The following DENND6A variants were observed in gnomAD, a reference collection of about 807,000 sequenced individuals.
DENND6A encodes protein DENND6A.
A neutral mutation model predicts 95.5 loss-of-function variants in DENND6A; 43 were observed. The observed-to-expected ratio is 0.45, with a 90% confidence interval of 0.35 to 0.58. The LOEUF is 0.58. Ranked by LOEUF, DENND6A falls within the 20% of genes least tolerant of loss-of-function variation. The pLI, the probability that DENND6A is intolerant of heterozygous loss-of-function variation, is 0.00. For synonymous variants in DENND6A, 257 were observed against 260.4 expected (o/e 0.99, Z 0.13); for missense variants, 574 against 736.0 (o/e 0.78, Z 2.55).
intron 12 of DENND6A, among the ~76,000 whole-genome samples, chr3:57,639,701 A>C (rs931595095): frequency 6.6e-6 from 1 of 152,132 alleles, no homozygotes; most frequent in Non-Finnish European, 1.5e-5. Flanking sequence ...CCTAGCAGAC[A>C]AAAAATTTGA....
chr3:57,686,622 T>C (rs770242238), intron 1 of DENND6A, among the ~76,000 whole-genome samples: 2 of 152,236 alleles, frequency 1.3e-5, no homozygotes, highest in South Asian at 2.1e-4. Context: ...TTTTTGTTAC[T>C]ATTGTATCTG....
intron 11 of DENND6A, among the ~76,000 whole-genome samples, chr3:57,645,275 A>AATG (rs1216125062): frequency 9.2e-5 from 14 of 152,054 alleles, no homozygotes; most frequent in Admixed American, 3.3e-4. Flanking sequence ...AGCCTGATCA[A>AATG]CATGGTGAAA....
At position 57,673,227 on chromosome 3, in the gene DENND6A, A is replaced by AAG. The variant is rs1222812982; in HGVS notation, c.238-790_238-789insCT. On this transcript the variant is annotated intron_variant, in intron 1 of 19. Coordinates refer to ENST00000311128, the MANE Select transcript of DENND6A (RefSeq NM_152678.3). Reference sequence around the variant, plus strand: ...ACATTTCGTATCAAAAAAAAAAAAAAAAAAAGAAAGAAAAAGAAAAAAAAA... The same window carrying AAG: ...ACATTTCGTATCAAAAAAAAAAAAAAAGAAAAAGAAAGAAAAAGAAAAAAAAA... Among the ~76,000 whole-genome samples the AAG allele has an allele frequency of 4.0e-5, 6 of 150,806 alleles. No homozygotes were observed. The East Asian group carries it at 9.7e-4, about 24-fold the overall frequency.
intron 14 of DENND6A, 70 bp downstream of exon 14, chr3:57,634,488 C>A (rs2070751721): frequency 2.5e-6 from 2 of 787,296 alleles, no homozygotes; most frequent in Non-Finnish European, 3.7e-6. Flanking sequence ...ACATAAAGGA[C>A]ATATTGCGTA....
intron 5 of DENND6A, 114 bp from the exon 6 acceptor site, chr3:57,661,665 C>T (rs1272427486): frequency 1.4e-5 from 11 of 775,856 alleles, no homozygotes; most frequent in Admixed American, 3.6e-5. Context: ...AATAAAAAGG[C>T]TTTTACAGTG....
rs538271754 is a variant in DENND6A at position 57,642,042 on chromosome 3, C to T, written c.1038-295G>A. On this transcript the variant is annotated intron_variant, in intron 11 of 19. Coordinates refer to ENST00000311128, the MANE Select transcript of DENND6A (RefSeq NM_152678.3). ...AAAATGCACAACAATTAGCCGAGCGCGGTGATTCACGCCTGTAATCCCAGC... is the reference window on the plus strand; with the variant it reads ...AAAATGCACAACAATTAGCCGAGCGTGGTGATTCACGCCTGTAATCCCAGC... Among the ~76,000 whole-genome samples the T allele has an allele frequency of 1.1e-4, 16 of 152,150 alleles. 1 individual carries two copies. The South Asian group carries it at 2.9e-3, about 28-fold the overall frequency.
chr3:57,670,465 C>A (rs985716875), intron 3 of DENND6A, among the ~76,000 whole-genome samples: 13 of 152,118 alleles, frequency 8.5e-5, no homozygotes, highest in Non-Finnish European at 2.9e-5. Flanking sequence ...GTTATTTTAG[C>A]AAGGCTTATT....
intron 9 of DENND6A, among the ~76,000 whole-genome samples, chr3:57,656,703 T>C (rs2071334018): frequency 6.6e-6 from 1 of 152,044 alleles, no homozygotes; most frequent in Non-Finnish European, 1.5e-5. Context: ...ACACCTGTAA[T>C]CCCAGCACTC....
At chr3:57,666,325 C>T in intron 3 of DENND6A, 90 bp from the exon 4 acceptor site, 2 of 1,055,648 alleles carry the variant, frequency 1.9e-6, no homozygotes, top group South Asian at 3.2e-5. Flanking sequence ...AAAATCCTAT[C>T]AATCATTTTA....
rs1553742684 is a variant in DENND6A, at chr3:57,663,513, CAT to C, written c.513+121_513+122del. On this transcript the variant is annotated intron_variant, in intron 5 of 19. Transcript: ENST00000311128. ...ATATATATATACACACACACACACA[CAT>C]ATATATAGCATGTTTAAAGATAAAA... The C allele has an allele frequency of 1.0e-4, 35 of 347,210 alleles. 1 individual carries two copies. In the East Asian group the frequency reaches 1.4e-3, roughly 14 times the overall value. The allele number at this position is 347,210 out of a possible 1,614,324, so 21.5% of individuals were successfully genotyped here.
chr3:57,685,494 G>A (rs1188340679), intron 1 of DENND6A, among the ~76,000 whole-genome samples: 5 of 152,042 alleles, frequency 3.3e-5, no homozygotes, highest in Admixed American at 1.3e-4. Context: ...CCAAAAACCT[G>A]AAATCCAAAA....
intron 1 of DENND6A, among the ~76,000 whole-genome samples, chr3:57,684,460 T>A (rs1488709066): frequency 6.6e-6 from 1 of 151,906 alleles, no homozygotes; most frequent in Non-Finnish European, 1.5e-5. Context: ...GAGACTCTGT[T>A]TCAAGAAAAG....
intron 3 of DENND6A, among the ~76,000 whole-genome samples, chr3:57,667,332 AT>A (rs2071540307): frequency 1.3e-5 from 2 of 151,026 alleles, no homozygotes; most frequent in Admixed American, 6.6e-5. Flanking sequence ...TTTAAAAAAA[AT>A]TTCACTAGAG....
At chr3:57,672,778 G>A (rs1053233872) in intron 1 of DENND6A, among the ~76,000 whole-genome samples, 11 of 151,700 alleles carry the variant, frequency 7.3e-5, no homozygotes, top group Non-Finnish European at 1.3e-4. Context: ...GCAAGACCCC[G>A]TCTCAAATCA....
chr3:57,630,429 A>T lies in DENND6A; in HGVS notation c.1612T>A (p.Cys538Ser). ...KLEALHLEAL[C>S]EEDLLLWIQK... ...ACACACAGTTTTCGAACCTCTTCAC[A>T]AAGAGCTTCTAGATGGAGTGCCTCC... Residue 538 changes from cysteine to serine, a missense_variant, in exon 18 of 20, where the codon TGT (cysteine) becomes AGT (serine). Physicochemically the swap from Cys to Ser is moderately radical, Grantham distance 112 (BLOSUM62 -1). Around this residue, in one of 2 missense-constraint regions of DENND6A, gnomAD observed 452 missense variants for 630.9 expected, o/e 0.72. Coordinates refer to ENST00000311128, the MANE Select transcript of DENND6A (RefSeq NM_152678.3). 6.3e-7 allele frequency: 1 copy of T among 1,583,890 alleles called. No individual in the cohort carries two copies. Among genetic ancestry groups the T allele is most frequent in the Non-Finnish European group, 8.5e-7 (1 of 1,173,256 alleles).
At chr3:57,681,490 G>T (rs1355339194) in intron 1 of DENND6A, among the ~76,000 whole-genome samples, 1 of 151,752 alleles carries the variant, frequency 6.6e-6, no homozygotes, top group Non-Finnish European at 1.5e-5. Flanking sequence ...CAGGCATAGT[G>T]GCAGGCACTT....
At chr3:57,686,810 G>A (rs532498623) in intron 1 of DENND6A, among the ~76,000 whole-genome samples, 2 of 152,198 alleles carry the variant, frequency 1.3e-5, no homozygotes, top group East Asian at 3.9e-4. Flanking sequence ...TATTCCGTAA[G>A]ACACAACAAT....
Position 57,645,756 on chromosome 3 carries a change from G to C in DENND6A, c.942C>G (p.Asn314Lys). ...ESSETVLALV[N>K]CISPLKYFSD... is the part of the protein sequence containing the mutation. ...TGAAGTACTTTAATGGAGAAATACAGCTGTGGAGCAGGAAGAACATGTAAA... is the reference window on the plus strand; with the variant it reads ...TGAAGTACTTTAATGGAGAAATACACCTGTGGAGCAGGAAGAACATGTAAA... The change falls in exon 11 of 20, where the codon AAC (asparagine) becomes AAG (lysine). Residue 314 changes from asparagine (N) to lysine (K), a missense_variant and splice_region_variant. Transcript: ENST00000311128. 5 of 1,608,370 alleles carry C rather than the reference G, an allele frequency of 3.1e-6. No homozygotes were observed. Among genetic ancestry groups the C allele is most frequent in the Non-Finnish European group, 4.3e-6 (5 of 1,175,770 alleles).
chr3:57,657,043 A>T (rs2071340381), intron 9 of DENND6A, among the ~76,000 whole-genome samples: 1 of 152,236 alleles, frequency 6.6e-6, no homozygotes, highest in Non-Finnish European at 1.5e-5. Flanking sequence ...GCTCATTTAT[A>T]GCAGTGGTTT....
Sources: gnomAD v4.1 joint callset for allele counts (sites outside exome capture counted in the v4.1 genomes callset) on GRCh38, gnomAD v4.1.1 for gene constraint, gnomAD v4.1.1 regional missense constraint, MANE v1.5 for transcripts, NCBI Gene and HGNC (gene_info 2026-07-23, HGNC 2026-07-21) for gene names.